OSBPL1A: variants seen among roughly 807,000 people sequenced by gnomAD.
OSBPL1A encodes the protein oxysterol-binding protein-related protein 1.
In OSBPL1A, 80 loss-of-function variants were observed where a neutral mutation model predicts 137.1. The observed-to-expected ratio is 0.58, with a 90% CI of 0.49 to 0.70. OSBPL1A has a LOEUF of 0.70. Among genes scored for constraint, OSBPL1A ranks in the 30% least tolerant of loss-of-function variants. OSBPL1A has a pLI of 0.00. For synonymous variants in OSBPL1A, 365 were observed against 389.7 expected, an observed-to-expected ratio of 0.94 and a Z score of 0.75; for missense variants, 970 against 1,129.4, an observed-to-expected ratio of 0.86 and a Z score of 2.02.
intron 4 of OSBPL1A, among the ~76,000 whole-genome samples, chr18:24,349,486 G>T (rs1336476278): frequency 6.6e-6 from 1 of 152,070 alleles, no homozygotes; most frequent in Non-Finnish European, 1.5e-5. Context: ...AATAAAATAT[G>T]CAATAGAAAG....
At chr18:24,358,868 C>T (rs1308881500) in intron 4 of OSBPL1A, among the ~76,000 whole-genome samples, 1 of 152,190 alleles carries the variant, frequency 6.6e-6, no homozygotes, top group Non-Finnish European at 1.5e-5. Flanking sequence ...GCCTCAGCCA[C>T]CAGAGTAGCT....
intron 14 of OSBPL1A, among the ~76,000 whole-genome samples, chr18:24,288,093 G>A (rs2090101712): frequency 6.6e-6 from 1 of 152,220 alleles, no homozygotes; most frequent in African/African-American, 2.4e-5. Flanking sequence ...AGTGGCTAGT[G>A]CTATGGTAGA....
intron 4 of OSBPL1A, among the ~76,000 whole-genome samples, chr18:24,362,830 G>A (rs578102409): frequency 1.2e-3 from 178 of 152,330 alleles, no homozygotes; most frequent in African/African-American, 4.1e-3. Flanking sequence ...TAACCATTTT[G>A]TGGTGCTGGA....
At chr18:24,366,465 C>T (rs1159336674) in intron 4 of OSBPL1A, 1 of 153,010 alleles carries the variant, frequency 6.5e-6, no homozygotes, top group African/African-American at 2.4e-5. Flanking sequence ...TGACCAGCCC[C>T]CATCCTGAAG....
chr18:24,312,135 G>A (rs1599650759), intron 12 of OSBPL1A, 29 bp from the exon 13 acceptor site: 1 of 1,610,004 alleles, frequency 6.2e-7, no homozygotes, highest in Non-Finnish European at 8.5e-7. Context: ...TTAAATGAGA[G>A]TGAAAAGCAT....
chr18:24,352,868 G>C (rs1232462102), intron 4 of OSBPL1A, among the ~76,000 whole-genome samples: 1 of 152,162 alleles, frequency 6.6e-6, no homozygotes, highest in Non-Finnish European at 1.5e-5. Flanking sequence ...GCCATATGTA[G>C]AAAGCTGAAA....
chr18:24,284,017 G>A (rs774697434), intron 14 of OSBPL1A, among the ~76,000 whole-genome samples: 8 of 151,964 alleles, frequency 5.3e-5, no homozygotes, highest in East Asian at 3.9e-4. Flanking sequence ...AGAGAGCGTC[G>A]AATTCTTTTG....
intron 24 of OSBPL1A, 112 bp downstream of exon 24, chr18:24,170,215 A>G: frequency 7.9e-7 from 1 of 1,270,210 alleles, no homozygotes. Context: ...ATGCATTAGC[A>G]ACAAGGAAGA....
Position 24,221,748 on chromosome 18 carries a change from C to T in OSBPL1A, c.1601+3294G>A, listed in dbSNP as rs568163184. Among the ~76,000 whole-genome samples the T allele has an allele frequency of 4.1e-4, 63 of 152,314 alleles. 2 individuals carry two copies. In the South Asian group the frequency reaches 0.013, roughly 31 times the overall value. ...GCTAGCTCTATTACATATACCAGGA[C>T]AATGAATTTTCATTTTCAGTAAGTT... On this transcript the variant is annotated intron_variant, in intron 17 of 27. Coordinates refer to ENST00000319481, the MANE Select transcript of OSBPL1A (RefSeq NM_080597.4).
intron 15 of OSBPL1A, among the ~76,000 whole-genome samples, chr18:24,280,045 C>G (rs1308694437): frequency 2.6e-5 from 4 of 152,124 alleles, no homozygotes; most frequent in Non-Finnish European, 4.4e-5. Context: ...CTCCCAGGCT[C>G]AAGTGATTCT....
intron 14 of OSBPL1A, among the ~76,000 whole-genome samples, chr18:24,300,089 AAAGAT>A (rs2146098322): frequency 6.6e-6 from 1 of 152,370 alleles, no homozygotes; most frequent in Non-Finnish European, 1.5e-5. Flanking sequence ...GGCTTTTGAT[AAAGAT>A]AAAATAGTAA....
chr18:24,247,598 G>A (rs559945634), intron 15 of OSBPL1A, among the ~76,000 whole-genome samples: 12 of 152,212 alleles, frequency 7.9e-5, no homozygotes, highest in Middle Eastern at 3.4e-3. Flanking sequence ...AAGGAGCTGG[G>A]ACTACAGGAG....
Position 24,181,256 on chromosome 18 carries a change from T to C in OSBPL1A, c.1701A>G (p.Pro567=), listed in dbSNP as rs142676210. 5.9e-5 allele frequency: 95 copies of C among 1,614,032 alleles called. No individual in the cohort carries two copies. The highest frequency in any genetic ancestry group is 7.4e-5 in the Non-Finnish European group (87 of 1,180,032). Residue 567 remains proline (P), a synonymous_variant, in exon 19 of 28, where the codon CCA becomes CCG. Coordinates refer to ENST00000319481, the MANE Select transcript of OSBPL1A (RefSeq NM_080597.4). ...AGCTCAGAGGCTCATTAAATATAACTGGCATCGTGATCTTGGATAGTTCCT... is the reference window on the plus strand; with the variant it reads ...AGCTCAGAGGCTCATTAAATATAACCGGCATCGTGATCTTGGATAGTTCCT... ...IGMELSKITM[P]VIFNEPLSFL...
chr18:24,364,605 T>C lies in OSBPL1A; in HGVS notation c.282+2287A>G, dbSNP rs1341052272. On this transcript the variant is annotated intron_variant, in intron 4 of 27. Coordinates refer to ENST00000319481, the MANE Select transcript of OSBPL1A (RefSeq NM_080597.4). ...ACTTGTCTCTAAAACAAACAAACAA[T>C]TTTTTTTTAATTTTTTTTTTTTAAC... Among the ~76,000 whole-genome samples, 3 of 151,336 alleles carry C rather than the reference T, an allele frequency of 2.0e-5. No homozygotes were observed. In the East Asian group the frequency reaches 5.8e-4, roughly 29 times the overall value.
intron 17 of OSBPL1A, among the ~76,000 whole-genome samples, chr18:24,197,040 A>G (rs1285228616): frequency 1.3e-5 from 2 of 152,210 alleles, no homozygotes; most frequent in African/African-American, 4.8e-5. Context: ...TTTCCAGAAC[A>G]CTATTATGAA....
intron 16 of OSBPL1A, among the ~76,000 whole-genome samples, chr18:24,236,320 G>C (rs1158213247): frequency 6.6e-6 from 1 of 151,992 alleles, no homozygotes; most frequent in Non-Finnish European, 1.5e-5. Flanking sequence ...AAATGAGGAA[G>C]AGATGGCCTT....
chr18:24,352,911 T>C (rs1408580769), intron 4 of OSBPL1A, among the ~76,000 whole-genome samples: 1 of 152,108 alleles, frequency 6.6e-6, no homozygotes, highest in East Asian at 1.9e-4. Context: ...ATACAAAAAT[T>C]AATTCAAGAT....
rs192160068 is a variant in OSBPL1A, at chr18:24,347,464, C to T, written c.283-5806G>A. Among the ~76,000 whole-genome samples, 560 of 152,256 alleles carry T rather than the reference C, an allele frequency of 3.7e-3. 1 individual carries two copies. The highest frequency in any genetic ancestry group is 0.024 in the Middle Eastern group (7 of 294). ...CCTCTCAAAGTGCTGGAACTACAGG[C>T]GTAAGCCACAGCGCCCGGCCGTAAA... On this transcript the variant is annotated intron_variant, in intron 4 of 27. Coordinates refer to ENST00000319481, the MANE Select transcript of OSBPL1A (RefSeq NM_080597.4).
chr18:24,384,743 C>G (rs1440753276), intron 1 of OSBPL1A, among the ~76,000 whole-genome samples: 1 of 150,586 alleles, frequency 6.6e-6, no homozygotes, highest in Non-Finnish European at 1.5e-5. Context: ...GGTGGTGGGC[C>G]CCTGTAATCC....
Sources: gnomAD v4.1 joint callset for allele counts (sites outside exome capture counted in the v4.1 genomes callset) on GRCh38, gnomAD v4.1.1 for gene constraint, MANE v1.5 for transcripts, NCBI Gene and HGNC (gene_info 2026-07-23, HGNC 2026-07-21) for gene names.